Variants in ZEB1 observed in about 807,000 individuals in gnomAD.
ZEB1 encodes zinc finger E-box-binding homeobox 1.
In ZEB1, 21 loss-of-function variants were observed where a neutral mutation model predicts 84.9. The observed-to-expected ratio is 0.25, with a 90% CI of 0.18 to 0.36. The LOEUF is 0.36. Among genes scored for constraint, ZEB1 ranks in the 10% least tolerant of loss-of-function variants. The pLI is 1.00. For synonymous variants in ZEB1, 420 were observed against 471.1 expected (o/e 0.89, Z 1.41); for missense variants, 1,104 against 1,330.2 (o/e 0.83, Z 2.65).
chr10:31,502,236 C>G, intron 3 of ZEB1, 112 bp from the exon 4 acceptor site: 1 of 1,054,924 alleles, frequency 9.5e-7, no homozygotes, highest in South Asian at 1.5e-5. Context: ...ATATTTTCTG[C>G]AGATTCAAGA....
chr10:31,472,378 C>G (rs2063395884), intron 2 of ZEB1, among the ~76,000 whole-genome samples: 1 of 152,098 alleles, frequency 6.6e-6, no homozygotes, highest in Admixed American at 6.5e-5. Context: ...AAGGGGATAT[C>G]ACCACCGATC....
chr10:31,397,684 A>G (rs1476212000), intron 1 of ZEB1, among the ~76,000 whole-genome samples: 1 of 152,202 alleles, frequency 6.6e-6, no homozygotes. Flanking sequence ...CTATGACCTA[A>G]GAATTGTTTT....
chr10:31,321,299 A>G lies in ZEB1; in HGVS notation c.58+2007A>G. 5 of 1,396,572 alleles carry G rather than the reference A, an allele frequency of 3.6e-6. No individual in the cohort carries two copies. In the South Asian group the frequency reaches 5.2e-5, roughly 15 times the overall value. The allele number at this position is 1,396,572 out of a possible 1,614,324, so 86.5% of individuals were successfully genotyped here. On this transcript the variant is annotated intron_variant, in intron 1 of 8. Coordinates refer to ENST00000424869, the MANE Select transcript of ZEB1 (RefSeq NM_001174096.2). ...ATTATATTTTTAATATATTCGAGCC[A>G]TCATTAAAATCACTGCTTTCGTGAT...
chr10:31,459,739 A>G (rs1198861053), intron 1 of ZEB1, among the ~76,000 whole-genome samples: 1 of 151,880 alleles, frequency 6.6e-6, no homozygotes, highest in Non-Finnish European at 1.5e-5. Context: ...CCTAAAGTCT[A>G]TAAAAGCTGT....
intron 2 of ZEB1, among the ~76,000 whole-genome samples, chr10:31,476,432 A>T (rs1447913819): frequency 6.6e-6 from 1 of 152,026 alleles, no homozygotes; most frequent in Non-Finnish European, 1.5e-5. Context: ...TCCTGAACAG[A>T]CAAATTATGA....
intron 1 of ZEB1, among the ~76,000 whole-genome samples, chr10:31,436,936 C>A (rs2058360020): frequency 6.6e-6 from 1 of 152,136 alleles, no homozygotes; most frequent in Admixed American, 6.5e-5. Context: ...TTTGCATGAT[C>A]TTCTGCTTTA....
intron 1 of ZEB1, among the ~76,000 whole-genome samples, chr10:31,403,197 T>C (rs2052381929): frequency 6.6e-6 from 1 of 152,066 alleles, no homozygotes; most frequent in African/African-American, 2.4e-5. Context: ...TTTCTTTCTG[T>C]GTAAAATGGA....
chr10:31,430,026 CCA>C (rs2057520830), intron 1 of ZEB1, among the ~76,000 whole-genome samples: 1 of 152,090 alleles, frequency 6.6e-6, no homozygotes, highest in African/African-American at 2.4e-5. Flanking sequence ...CAGGCGTGAG[CCA>C]CCACGCCCAG....
At chr10:31,417,614 A>G (rs1162329303) in intron 1 of ZEB1, among the ~76,000 whole-genome samples, 5 of 152,122 alleles carry the variant, frequency 3.3e-5, no homozygotes, top group African/African-American at 1.2e-4. Context: ...GATTTGTAGG[A>G]ATGCTGGTTA....
At chr10:31,403,037 A>T (rs2052358929) in intron 1 of ZEB1, among the ~76,000 whole-genome samples, 1 of 152,150 alleles carries the variant, frequency 6.6e-6, no homozygotes. Flanking sequence ...AAGTATATGT[A>T]TATAGTAAAT....
In ZEB1 at chr10:31,359,840, A is replaced by G. The variant is rs114729197; in HGVS notation, c.58+40548A>G. The stretch of plus-strand genomic sequence containing the variant: ...AGTTAATCTCAACCCCTCTTGTTAT[A>G]AAATATAGTGACTGTGGATTGTTGA... On this transcript the variant is annotated intron_variant, in intron 1 of 8. Transcript: ENST00000424869. Among the ~76,000 whole-genome samples the G allele has an allele frequency of 6.3e-3, 953 of 152,300 alleles. 7 individuals carry two copies. The highest frequency in any genetic ancestry group is 0.022 in the African/African-American group (911 of 41,558).
intron 1 of ZEB1, among the ~76,000 whole-genome samples, chr10:31,403,204 T>C (rs1423799247): frequency 6.6e-6 from 1 of 152,008 alleles, no homozygotes; most frequent in East Asian, 1.9e-4. Context: ...CTGTGTAAAA[T>C]GGAAATAGTA....
In ZEB1 at chr10:31,460,191, G is replaced by T. The variant is rs954962687; in HGVS notation, c.59-846G>T. Among the ~76,000 whole-genome samples the T allele has an allele frequency of 2.6e-5, 4 of 151,942 alleles. No homozygotes were observed. In the East Asian group the frequency reaches 7.7e-4, roughly 29 times the overall value. On this transcript the variant is annotated intron_variant, in intron 1 of 8. Coordinates refer to ENST00000424869, the MANE Select transcript of ZEB1 (RefSeq NM_001174096.2). ...ATTATACTAGATTATTTATTTTATAGAATTTTATTCTCAGCTTATACTCCT... is the reference window on the plus strand; with the variant it reads ...ATTATACTAGATTATTTATTTTATATAATTTTATTCTCAGCTTATACTCCT...
chr10:31,409,038 T>C (rs1380422679), intron 1 of ZEB1, among the ~76,000 whole-genome samples: 6 of 151,816 alleles, frequency 4.0e-5, no homozygotes, highest in Non-Finnish European at 5.9e-5. Flanking sequence ...TGAACTCAAA[T>C]AAATTTACAA....
chr10:31,327,907 G>C (rs1404137761), intron 1 of ZEB1, among the ~76,000 whole-genome samples: 1 of 152,102 alleles, frequency 6.6e-6, no homozygotes, highest in Non-Finnish European at 1.5e-5. Context: ...TATTAGGGAG[G>C]TTGATCATTT....
Position 31,520,099 on chromosome 10 carries a change from A to G in ZEB1, c.794-27A>G, listed in dbSNP as rs779348132. ...AAATTTATATGTAATAATTCAGTGAATATAATTTGTTTGTTTGTTTGTTTA... is the reference window on the plus strand; with the variant it reads ...AAATTTATATGTAATAATTCAGTGAGTATAATTTGTTTGTTTGTTTGTTTA... On this transcript the variant is annotated intron_variant, in intron 6 of 8. Transcript: ENST00000424869. The surrounding 1 kb of genome is among the most constrained non-coding windows in gnomAD (Gnocchi z 5.1). 1 of 1,611,076 alleles carries G rather than the reference A, an allele frequency of 6.2e-7. No individual in the cohort carries two copies. The highest frequency in any genetic ancestry group is 1.1e-5 in the South Asian group (1 of 90,978).
intron 1 of ZEB1, among the ~76,000 whole-genome samples, chr10:31,427,850 C>G (rs2057172633): frequency 6.7e-6 from 1 of 148,476 alleles, no homozygotes; most frequent in Non-Finnish European, 1.5e-5. Flanking sequence ...CTGAGCAAGA[C>G]TCCATCTCAA....
intron 1 of ZEB1, among the ~76,000 whole-genome samples, chr10:31,335,878 CAAAGTTT>C (rs2037915672): frequency 6.6e-6 from 1 of 152,086 alleles, no homozygotes; most frequent in African/African-American, 2.4e-5. Context: ...ATGAATTACT[CAAAGTTT>C]AAATTTGGAT....
chr10:31,319,925 G>A (rs2033351937), intron 1 of ZEB1: 1 of 147,164 alleles, frequency 6.8e-6, no homozygotes, highest in Admixed American at 6.8e-5. Context: ...GGCGGCCGCG[G>A]GTTGCGTGGG....
Sources: gnomAD v4.1 joint callset for allele counts (sites outside exome capture counted in the v4.1 genomes callset) on GRCh38, gnomAD v4.1.1 for gene constraint, Gnocchi (gnomAD v3.1) non-coding constraint, MANE v1.5 for transcripts, NCBI Gene and HGNC (gene_info 2026-07-23, HGNC 2026-07-21) for gene names.